MGAT5: variants seen among roughly 807,000 people sequenced by gnomAD.
MGAT5 encodes alpha-1,6-mannosylglycoprotein 6-beta-N-acetylglucosaminyltransferase A.
In MGAT5, 30 loss-of-function variants were observed where a neutral mutation model predicts 94.3. The observed-to-expected ratio is 0.32, with a 90% CI of 0.24 to 0.43. MGAT5 has a LOEUF of 0.43. Among genes scored for constraint, MGAT5 ranks in the 20% least tolerant of loss-of-function variants. MGAT5 has a pLI of 1.00. For synonymous variants in MGAT5, 310 were observed against 322.9 expected (o/e 0.96, Z 0.43); for missense variants, 691 against 905.5 (o/e 0.76, Z 3.04).
chr2:134,412,226 A>T (rs1683710046), intron 11 of MGAT5, among the ~76,000 whole-genome samples: 1 of 152,030 alleles, frequency 6.6e-6, no homozygotes, highest in Non-Finnish European at 1.5e-5. Context: ...TGCCTGCTGG[A>T]GAGGGAAGCA....
chr2:134,163,369 G>A lies in MGAT5; in HGVS notation c.-143+43078G>A, dbSNP rs573657269. 4.7e-4 allele frequency among the ~76,000 whole-genome samples: 72 copies of A among 152,206 alleles called. 1 individual carries two copies. The highest frequency in any genetic ancestry group is 1.7e-3 in the African/African-American group (69 of 41,498). On this transcript the variant is annotated intron_variant, in intron 1 of 16. Coordinates refer to the MGAT5 transcript ENST00000409645. ...GGGCTGGAGTAAGGGTGTTCCGGAC[G>A]GTTCACCTGGCAGGTGTGCAGGATG...
chr2:134,340,887 G>T lies in MGAT5; in HGVS notation c.808-703G>T, dbSNP rs534346406. ...TTATTACGTATGCTCTCTGACTCTT[G>T]AATCACACAGGTGCATTTAGAAAAA... On this transcript the variant is annotated intron_variant, in intron 6 of 15. Transcript: ENST00000281923. Among the ~76,000 whole-genome samples, 146 of 152,228 alleles carry T rather than the reference G, an allele frequency of 9.6e-4. 5 individuals carry two copies. The South Asian group carries it at 0.027, about 28-fold the overall frequency.
At chr2:134,247,366 A>C (rs1241035261) in intron 1 of MGAT5, among the ~76,000 whole-genome samples, 9 of 148,082 alleles carry the variant, frequency 6.1e-5, no homozygotes, top group East Asian at 1.9e-4. Context: ...AATTAAAAAA[A>C]AAAAAAAACA....
chr2:134,309,229 GTGTT>G (rs1250182370), intron 2 of MGAT5, among the ~76,000 whole-genome samples: 2 of 152,192 alleles, frequency 1.3e-5, no homozygotes, highest in African/African-American at 4.8e-5. Flanking sequence ...TGGATGATGG[GTGTT>G]TGTATTGTTT....
intron 1 of MGAT5, among the ~76,000 whole-genome samples, chr2:134,135,975 G>A (rs1196560720): frequency 6.6e-6 from 1 of 152,206 alleles, no homozygotes; most frequent in Non-Finnish European, 1.5e-5. Flanking sequence ...AGGGAAACCT[G>A]TGAACTTGCA....
At chr2:134,313,615 A>T (rs1439448878) in intron 2 of MGAT5, among the ~76,000 whole-genome samples, 1 of 152,030 alleles carries the variant, frequency 6.6e-6, no homozygotes, top group East Asian at 1.9e-4. Context: ...TTCAACATTT[A>T]AAAAAAATGG....
chr2:134,169,261 C>T lies in MGAT5; in HGVS notation c.-143+48970C>T, dbSNP rs549039750. Among the ~76,000 whole-genome samples the T allele has an allele frequency of 5.3e-5, 8 of 152,054 alleles. No individual in the cohort carries two copies. In the East Asian group the frequency reaches 9.7e-4, roughly 18 times the overall value. ...TTGGTTGAAAATGGGATTTCAAGGCCGGGCGCAGTGGCTTATGCCTGTAAT... is the reference window on the plus strand; with the variant it reads ...TTGGTTGAAAATGGGATTTCAAGGCTGGGCGCAGTGGCTTATGCCTGTAAT... On this transcript the variant is annotated intron_variant, in intron 1 of 16. Coordinates refer to the MGAT5 transcript ENST00000409645.
At chr2:134,399,733 A>G (rs1682928009) in intron 10 of MGAT5, among the ~76,000 whole-genome samples, 1 of 152,154 alleles carries the variant, frequency 6.6e-6, no homozygotes, top group African/African-American at 2.4e-5. Flanking sequence ...AAAGCTTTCT[A>G]AGAAGTGATC....
intron 1 of MGAT5, among the ~76,000 whole-genome samples, chr2:134,122,758 A>G (rs1469524151): frequency 6.6e-6 from 1 of 152,216 alleles, no homozygotes; most frequent in African/African-American, 2.4e-5. Context: ...GGAGAAAGGA[A>G]TCTGCAGTCC....
intron 10 of MGAT5, among the ~76,000 whole-genome samples, chr2:134,397,337 A>C (rs1474612573): frequency 6.6e-6 from 1 of 152,134 alleles, no homozygotes. Context: ...AGCAAGGATG[A>C]AGGAAAAGGG....
intron 1 of MGAT5, among the ~76,000 whole-genome samples, chr2:134,193,646 A>G (rs1425660950): frequency 9.5e-5 from 14 of 146,948 alleles, no homozygotes; most frequent in Non-Finnish European, 1.3e-4. Flanking sequence ...AAACAGGGCA[A>G]TCTCCCCTCT....
chr2:134,385,583 G>T (rs534776377), intron 10 of MGAT5, among the ~76,000 whole-genome samples: 1 of 152,192 alleles, frequency 6.6e-6, no homozygotes. Flanking sequence ...TAGACCTGGG[G>T]TGTTCAATCA....
intron 10 of MGAT5, among the ~76,000 whole-genome samples, chr2:134,389,311 T>A (rs775169485): frequency 6.6e-6 from 1 of 152,228 alleles, no homozygotes; most frequent in Admixed American, 6.5e-5. Context: ...AGTAATGCTA[T>A]ATTGACTAGT....
chr2:134,256,098 T>C (rs1463221516), intron 1 of MGAT5, among the ~76,000 whole-genome samples: 1 of 152,204 alleles, frequency 6.6e-6, no homozygotes, highest in Non-Finnish European at 1.5e-5. Context: ...TCTGTAGGCA[T>C]TGGCTTTTAA....
upstream of MGAT5, among the ~76,000 whole-genome samples, chr2:134,250,172 G>C (rs976101300): frequency 2.0e-5 from 3 of 152,324 alleles, no homozygotes; most frequent in African/African-American, 7.2e-5. Flanking sequence ...TAGAAAGTAG[G>C]AGGATAGAGG....
upstream of MGAT5, among the ~76,000 whole-genome samples, chr2:134,253,711 G>A (rs1395664270): frequency 2.0e-5 from 3 of 152,154 alleles, no homozygotes; most frequent in African/African-American, 7.2e-5. Context: ...CCCTGAGAGA[G>A]CCATCTCATC....
rs1228549036 is a variant in MGAT5, at chr2:134,318,724, T to A, written c.558T>A (p.Phe186Leu). ...YGVDGSTCSF[F>L]IYLSEVENWC... is the part of the protein sequence containing the mutation. ...TGGATGGATCCACCTGCTCTTTTTT[T>A]ATTTACCTCAGTGAGGTGAGTAGCT... The change falls in exon 4 of 16, where the codon TTT (phenylalanine) becomes TTA (leucine). Residue 186 changes from phenylalanine to leucine, a missense_variant. Physicochemically the swap from Phe to Leu is conservative, Grantham distance 22. Around this residue, in one of 4 missense-constraint regions of MGAT5, gnomAD observed 307 missense variants for 335.4 expected, o/e 0.92. Transcript: ENST00000281923. 6.2e-7 allele frequency: 1 copy of A among 1,613,006 alleles called. No individual in the cohort carries two copies. The highest frequency in any genetic ancestry group is 8.5e-7 in the Non-Finnish European group (1 of 1,179,092).
chr2:134,238,161 G>A (rs1681768165), intron 1 of MGAT5, among the ~76,000 whole-genome samples: 1 of 152,172 alleles, frequency 6.6e-6, no homozygotes, highest in Non-Finnish European at 1.5e-5. Context: ...ACTGATTAAA[G>A]AGCCTGATGC....
At chr2:134,352,030 T>C (rs982135170) in intron 9 of MGAT5, among the ~76,000 whole-genome samples, 1 of 152,144 alleles carries the variant, frequency 6.6e-6, no homozygotes, top group African/African-American at 2.4e-5. Flanking sequence ...ATGGCAGAAA[T>C]GCAAAAGTTA....
Sources: allele counts gnomAD v4.1 joint callset (sites outside exome capture counted in the v4.1 genomes callset), GRCh38; gene constraint gnomAD v4.1.1; regional missense constraint gnomAD v4.1.1; transcripts MANE v1.5; gene names NCBI Gene and HGNC (gene_info 2026-07-23, HGNC 2026-07-21).